KCNIP4: variants seen among roughly 807,000 people sequenced by gnomAD.
The protein encoded by KCNIP4 is potassium voltage-gated channel interacting protein 4, also known as Kv channel-interacting protein 4.
A neutral mutation model predicts 34.0 loss-of-function variants in KCNIP4; 12 were observed. The ratio of observed to expected loss-of-function variants is 0.35; its 90% confidence interval spans 0.23 to 0.57. The LOEUF is 0.57. Among genes scored for constraint, KCNIP4 ranks in the 20% least tolerant of loss-of-function variants. The probability of loss-of-function intolerance (pLI) is 0.83; values close to 1 mark genes in which losing one functional copy is unlikely to be tolerated. For synonymous variants in KCNIP4, 124 were observed against 102.2 expected, an observed-to-expected ratio of 1.21 and a Z score of -1.29; for missense variants, 238 against 311.7, an observed-to-expected ratio of 0.76 and a Z score of 1.78.
chr4:21,286,725 A>G (rs992862168), intron 1 of KCNIP4, among the ~76,000 whole-genome samples: 1 of 152,206 alleles, frequency 6.6e-6, no homozygotes, highest in Non-Finnish European at 1.5e-5. Context: ...AGGATAAAAT[A>G]GTATCCTTAT....
chr4:21,572,664 C>T (rs369491058), intron 1 of KCNIP4, among the ~76,000 whole-genome samples: 2 of 150,818 alleles, frequency 1.3e-5, no homozygotes, highest in South Asian at 4.2e-4. Flanking sequence ...CTTGCTTTGC[C>T]ACCCAGGCTG....
chr4:21,032,106 A>G (rs749502980), intron 1 of KCNIP4, among the ~76,000 whole-genome samples: 18 of 152,184 alleles, frequency 1.2e-4, no homozygotes, highest in Non-Finnish European at 2.5e-4. Context: ...AAAATTTCAA[A>G]CATTGCTTGT....
intron 1 of KCNIP4, among the ~76,000 whole-genome samples, chr4:21,617,182 C>A (rs1259421581): frequency 6.6e-6 from 1 of 152,286 alleles, no homozygotes; most frequent in East Asian, 1.9e-4. Context: ...TGCCTTCTTT[C>A]ACCATGGTTT....
intron 2 of KCNIP4, 26 bp downstream of exon 2, chr4:20,882,579 GAAA>G: frequency 8.3e-7 from 1 of 1,201,216 alleles, no homozygotes. Context: ...AGTTTCGGAG[GAAA>G]AAAAAAAACA....
chr4:21,509,938 T>C (rs527739841), intron 1 of KCNIP4, among the ~76,000 whole-genome samples: 1 of 151,982 alleles, frequency 6.6e-6, no homozygotes, highest in African/African-American at 2.4e-5. Flanking sequence ...GCCAACATGG[T>C]GAAACCCTGT....
chr4:21,208,199 T>C (rs1756985057), intron 1 of KCNIP4, among the ~76,000 whole-genome samples: 1 of 152,194 alleles, frequency 6.6e-6, no homozygotes, highest in Non-Finnish European at 1.5e-5. Context: ...ATTAATGAAA[T>C]GCATTATCCT....
intron 1 of KCNIP4, among the ~76,000 whole-genome samples, chr4:21,310,012 G>C (rs1034517805): frequency 2.0e-5 from 3 of 152,074 alleles, no homozygotes; most frequent in Non-Finnish European, 4.4e-5. Flanking sequence ...CAATGGAGAA[G>C]AAAACTAGTC....
At chr4:20,766,543 G>A (rs1755434586) in intron 3 of KCNIP4, among the ~76,000 whole-genome samples, 1 of 152,122 alleles carries the variant, frequency 6.6e-6, no homozygotes, top group South Asian at 2.1e-4. Context: ...TCCAGCCTGG[G>A]TGACAGAGCA....
chr4:20,966,198 C>A (rs879285800), intron 1 of KCNIP4, among the ~76,000 whole-genome samples: 2 of 152,140 alleles, frequency 1.3e-5, no homozygotes, highest in Non-Finnish European at 2.9e-5. Flanking sequence ...TATGCATTTT[C>A]CCCTGTAATT....
chr4:21,394,549 G>A (rs1224027186), intron 1 of KCNIP4, among the ~76,000 whole-genome samples: 1 of 152,124 alleles, frequency 6.6e-6, no homozygotes, highest in Non-Finnish European at 1.5e-5. Flanking sequence ...CTGCAATGTT[G>A]CTAACCTGGG....
At chr4:21,516,287 G>C (rs1734751633) in intron 1 of KCNIP4, among the ~76,000 whole-genome samples, 1 of 152,102 alleles carries the variant, frequency 6.6e-6, no homozygotes, top group South Asian at 2.1e-4. Context: ...TCTTCATATA[G>C]CCCAAAGTTG....
At chr4:21,251,510 T>G (rs1375072013) in intron 1 of KCNIP4, among the ~76,000 whole-genome samples, 1 of 152,172 alleles carries the variant, frequency 6.6e-6, no homozygotes, top group African/African-American at 2.4e-5. Context: ...CCTAAAATAT[T>G]AATACAAATT....
intron 1 of KCNIP4, among the ~76,000 whole-genome samples, chr4:21,374,980 G>C (rs1284974429): frequency 6.8e-6 from 1 of 147,452 alleles, no homozygotes; most frequent in Non-Finnish European, 1.5e-5. Context: ...ATTTTTAAAA[G>C]TAACCTTAAA....
chr4:21,889,109 T>C (rs901429123), intron 1 of KCNIP4, among the ~76,000 whole-genome samples: 3 of 152,124 alleles, frequency 2.0e-5, no homozygotes, highest in Non-Finnish European at 4.4e-5. Flanking sequence ...ATAGGTACAA[T>C]ATAAATTTAG....
At chr4:20,739,399 A>C (rs1750511959) in intron 5 of KCNIP4, among the ~76,000 whole-genome samples, 1 of 152,114 alleles carries the variant, frequency 6.6e-6, no homozygotes, top group Admixed American at 6.5e-5. Context: ...AGGAAGGATC[A>C]GGCAGCAACA....
chr4:21,403,034 T>A (rs1415868106), intron 1 of KCNIP4, among the ~76,000 whole-genome samples: 3 of 152,168 alleles, frequency 2.0e-5, no homozygotes, highest in Admixed American at 6.5e-5. Context: ...TCTATTGTCA[T>A]GATCACCAAA....
chr4:20,948,974 C>T (rs1434887850), intron 1 of KCNIP4, among the ~76,000 whole-genome samples: 2 of 152,124 alleles, frequency 1.3e-5, no homozygotes. Context: ...TTAATGGAAT[C>T]CCTGCCACCC....
At chr4:21,083,693 C>G (rs147171319) in intron 1 of KCNIP4, among the ~76,000 whole-genome samples, 1 of 151,734 alleles carries the variant, frequency 6.6e-6, no homozygotes, top group Non-Finnish European at 1.5e-5. Context: ...GGAATGTGAC[C>G]CTATTGGCAC....
At chr4:21,278,208 T>C (rs1762554117) in intron 1 of KCNIP4, among the ~76,000 whole-genome samples, 2 of 152,178 alleles carry the variant, frequency 1.3e-5, no homozygotes. Flanking sequence ...TAATTCTTTG[T>C]TAACTTTTAT....
Sources: gnomAD v4.1 joint callset for allele counts (sites outside exome capture counted in the v4.1 genomes callset) on GRCh38, gnomAD v4.1.1 for gene constraint, MANE v1.5 for transcripts, NCBI Gene and HGNC (gene_info 2026-07-23, HGNC 2026-07-21) for gene names.